FAM193A: variants seen among roughly 807,000 people sequenced by gnomAD.
FAM193A encodes the protein protein FAM193A.
Under a neutral mutation model 126.5 loss-of-function variants are expected in FAM193A, and 22 were observed. That is an observed-to-expected ratio of 0.17 (90% CI 0.12 to 0.25). The LOEUF is 0.25. Ranked by LOEUF, FAM193A falls within the 10% of genes least tolerant of loss-of-function variation. The pLI is 1.00. For synonymous variants in FAM193A, 761 were observed against 646.8 expected, an observed-to-expected ratio of 1.18 and a Z score of -2.68; for missense variants, 1,675 against 1,672.8, an observed-to-expected ratio of 1.00 and a Z score of -0.02.
At chr4:2,607,417 A>G (rs1741610906) in intron 2 of FAM193A, among the ~76,000 whole-genome samples, 1 of 152,138 alleles carries the variant, frequency 6.6e-6, no homozygotes, top group Admixed American at 6.5e-5. Flanking sequence ...GGCAGAGGAC[A>G]TTTTGGTACA....
Position 2,731,196 on chromosome 4 carries a change from CAAAAAAAAAAAAAA to C in FAM193A, c.4455-564_4455-551del, listed in dbSNP as rs546217602. 1.2e-3 allele frequency among the ~76,000 whole-genome samples: 103 copies of C among 86,872 alleles called. No homozygotes were observed. In the South Asian group the frequency reaches 0.014, roughly 12 times the overall value. 57.0% of individuals were successfully genotyped at this position (86,872 alleles called of 152,430 possible). A position where few individuals can be genotyped will look rare whatever the true frequency, so the allele number is the denominator to read the frequency against. ...GGATGACAAGAGCGAAACTCCTTCT[CAAAAAAAAAAAAAA>C]AAAAAAAAAAAAAACCGGTGTGGTG... On this transcript the variant is annotated intron_variant, in intron 20 of 20. Coordinates refer to ENST00000637812, the MANE Select transcript of FAM193A (RefSeq NM_001366318.2).
At chr4:2,636,804 G>A (rs1441434995) in intron 5 of FAM193A, among the ~76,000 whole-genome samples, 4 of 152,098 alleles carry the variant, frequency 2.6e-5, no homozygotes, top group South Asian at 2.1e-4. Flanking sequence ...TTTCTTTGAA[G>A]CAACATGTTA....
intron 19 of FAM193A, among the ~76,000 whole-genome samples, chr4:2,711,621 T>G (rs1250326966): frequency 6.6e-6 from 1 of 151,500 alleles, no homozygotes; most frequent in African/African-American, 2.4e-5. Flanking sequence ...ATTACTGGCG[T>G]GAGCCACCAC....
chr4:2,601,231 T>TC (rs1560472329), intron 2 of FAM193A, among the ~76,000 whole-genome samples: 23 of 146,100 alleles, frequency 1.6e-4, no homozygotes, highest in African/African-American at 5.5e-4. Context: ...CTTCTTCTTT[T>TC]TTTTTTTTTT....
intron 13 of FAM193A, among the ~76,000 whole-genome samples, chr4:2,683,401 G>A (rs1214197258): frequency 6.6e-6 from 1 of 151,614 alleles, no homozygotes; most frequent in Non-Finnish European, 1.5e-5. Context: ...TTCAAGTGAT[G>A]CTCCTGTCTC....
At position 2,588,976 on chromosome 4, in the gene FAM193A, G is replaced by T. The variant is rs1359510983; in HGVS notation, c.256-7108G>T. ...ATTCAAGCTGTTTTGCCCTTTTGCTGTATGGAGCCTGAATGTAGAGACTTG... is the reference window on the plus strand; with the variant it reads ...ATTCAAGCTGTTTTGCCCTTTTGCTTTATGGAGCCTGAATGTAGAGACTTG... On this transcript the variant is annotated intron_variant, in intron 1 of 20. Coordinates refer to ENST00000637812, the MANE Select transcript of FAM193A (RefSeq NM_001366318.2). 2.0e-5 allele frequency among the ~76,000 whole-genome samples: 3 copies of T among 152,188 alleles called. No individual in the cohort carries two copies. In the South Asian group the frequency reaches 6.2e-4, roughly 31 times the overall value.
Position 2,537,132 on chromosome 4 carries a change from G to T in FAM193A, c.217G>T (p.Ala73Ser). ...AAANGPLGAG[A>S]SAGGAAPGGY... Reference sequence around the variant, plus strand: ...GGCCAACGGGCCTCTCGGCGCGGGCGCGAGCGCGGGCGGCGCCGCCCCCGG... The same window carrying T: ...GGCCAACGGGCCTCTCGGCGCGGGCTCGAGCGCGGGCGGCGCCGCCCCCGG... The change falls in exon 1 of 21, where the codon GCG becomes TCG. Residue 73 changes from alanine (A) to serine (S), a missense_variant. Coordinates refer to ENST00000637812, the MANE Select transcript of FAM193A (RefSeq NM_001366318.2). 1 of 186,554 alleles carries T rather than the reference G, an allele frequency of 5.4e-6. No individual in the cohort carries two copies. The highest frequency in any genetic ancestry group is 1.1e-4 in the East Asian group (1 of 8,996). The allele number at this position is 186,554 out of a possible 1,614,324, so 11.6% of individuals were successfully genotyped here.
chr4:2,652,915 C>G (rs1745814879), intron 7 of FAM193A, among the ~76,000 whole-genome samples: 1 of 152,216 alleles, frequency 6.6e-6, no homozygotes, highest in Admixed American at 6.5e-5. Flanking sequence ...CCCCGTGTGG[C>G]TAGAGCCTCA....
intron 1 of FAM193A, among the ~76,000 whole-genome samples, chr4:2,567,284 A>G (rs1411313649): frequency 1.3e-5 from 2 of 152,034 alleles, no homozygotes; most frequent in South Asian, 2.1e-4. Flanking sequence ...CTGAATTTCA[A>G]CAGAAACCTT....
chr4:2,698,361 C>G (rs1222946308), intron 18 of FAM193A, among the ~76,000 whole-genome samples: 2 of 152,216 alleles, frequency 1.3e-5, no homozygotes, highest in South Asian at 2.1e-4. Context: ...TGGAGTTGGT[C>G]TCTCCTCTGC....
chr4:2,712,876 G>C (rs1402557151), intron 19 of FAM193A, among the ~76,000 whole-genome samples: 1 of 152,088 alleles, frequency 6.6e-6, no homozygotes, highest in Non-Finnish European at 1.5e-5. Context: ...GCTGAGGCAG[G>C]CAGATCACCT....
chr4:2,695,731 A>G (rs1416234774), intron 17 of FAM193A, among the ~76,000 whole-genome samples: 1 of 152,226 alleles, frequency 6.6e-6, no homozygotes, highest in Non-Finnish European at 1.5e-5. Context: ...GAAAGATACT[A>G]CAGACACATT....
intron 1 of FAM193A, among the ~76,000 whole-genome samples, chr4:2,579,371 C>T (rs927947249): frequency 2.0e-5 from 3 of 151,474 alleles, no homozygotes; most frequent in South Asian, 2.1e-4. Flanking sequence ...TGGTGGTACG[C>T]GCCTGTAATC....
rs573913065 is a variant in FAM193A, at chr4:2,668,648, C to A, written c.2080-3473C>A. On this transcript the variant is annotated intron_variant, in intron 12 of 20. Transcript: ENST00000637812. Reference sequence around the variant, plus strand: ...ACTATTATTGTCCTATATATAATTACATTTGTATATGTTACAAACCAATAA... The same window carrying A: ...ACTATTATTGTCCTATATATAATTAAATTTGTATATGTTACAAACCAATAA... Among the ~76,000 whole-genome samples the A allele has an allele frequency of 3.3e-5, 5 of 152,274 alleles. No homozygotes were observed. The East Asian group carries it at 9.6e-4, about 29-fold the overall frequency.
intron 19 of FAM193A, among the ~76,000 whole-genome samples, chr4:2,713,186 C>G (rs1047029301): frequency 3.3e-5 from 5 of 151,472 alleles, no homozygotes; most frequent in Non-Finnish European, 7.4e-5. Context: ...GGGGGCAGAT[C>G]ATGAGGTCAA....
At chr4:2,580,661 C>A (rs1739866045) in intron 1 of FAM193A, among the ~76,000 whole-genome samples, 1 of 152,110 alleles carries the variant, frequency 6.6e-6, no homozygotes, top group Non-Finnish European at 1.5e-5. Flanking sequence ...TCTGGGGCCT[C>A]CCCCCTCTAT....
At chr4:2,679,537 G>A (rs1014185119) in intron 13 of FAM193A, among the ~76,000 whole-genome samples, 1 of 151,562 alleles carries the variant, frequency 6.6e-6, no homozygotes, top group African/African-American at 2.4e-5. Context: ...GCACCACGAG[G>A]CCCGGCTAAT....
intron 2 of FAM193A, among the ~76,000 whole-genome samples, chr4:2,609,795 G>A (rs1422037065): frequency 6.6e-6 from 1 of 152,128 alleles, no homozygotes; most frequent in Admixed American, 6.6e-5. Context: ...TGGGTGTGGT[G>A]TTGTGCATCT....
rs759463274 is a variant in FAM193A, at chr4:2,631,074, C to A, written c.943C>A (p.Pro315Thr). ...KVKAPSGLQG[P>T]PQAHQFISLL... ...GAAGGCACCATCTGGCCTGCAGGGCCCGCCGCAAGCGCACCAGTTCATCTC... is the reference window on the plus strand; with the variant it reads ...GAAGGCACCATCTGGCCTGCAGGGCACGCCGCAAGCGCACCAGTTCATCTC... The change falls in exon 5 of 21, where the codon CCG (proline) becomes ACG (threonine). Residue 315 changes from proline (P) to threonine (T), a missense_variant. By Grantham distance (38) the Pro-to-Thr change is conservative. Around this residue, in one of 4 missense-constraint regions of FAM193A, gnomAD observed 1,186 missense variants for 1,109.2 expected, o/e 1.07. Transcript: ENST00000637812. 2.5e-6 allele frequency: 4 copies of A among 1,613,686 alleles called. No individual in the cohort carries two copies. In the African/African-American group the frequency reaches 5.3e-5, roughly 22 times the overall value.
Sources: allele counts gnomAD v4.1 joint callset (sites outside exome capture counted in the v4.1 genomes callset), GRCh38; gene constraint gnomAD v4.1.1; regional missense constraint gnomAD v4.1.1; transcripts MANE v1.5; gene names NCBI Gene and HGNC (gene_info 2026-07-23, HGNC 2026-07-21).